Variants in PLA2G4A observed in about 807,000 individuals in gnomAD.
PLA2G4A encodes the protein phospholipase A2 group IVA.
PLA2G4A carries 40 observed loss-of-function variants against 81.9 expected under a neutral mutation model. The observed-to-expected ratio is 0.49, with a 90% CI of 0.38 to 0.64. The LOEUF is 0.64. PLA2G4A is among the 30% of genes least tolerant of loss of function. The pLI is 0.00. For synonymous variants in PLA2G4A, 302 were observed against 296.9 expected, an observed-to-expected ratio of 1.02 and a Z score of -0.18; for missense variants, 715 against 905.1, an observed-to-expected ratio of 0.79 and a Z score of 2.69.
At chr1:186,858,658 T>C (rs1652681378) in intron 2 of PLA2G4A, among the ~76,000 whole-genome samples, 1 of 152,050 alleles carries the variant, frequency 6.6e-6, no homozygotes, top group African/African-American at 2.4e-5. Flanking sequence ...TTCTTGAAAA[T>C]TTTGTTAACT....
intron 15 of PLA2G4A, among the ~76,000 whole-genome samples, chr1:186,976,975 C>A (rs1657556654): frequency 6.6e-6 from 1 of 152,176 alleles, no homozygotes; most frequent in Non-Finnish European, 1.5e-5. Flanking sequence ...TGGAAACCAT[C>A]ATACAATTTG....
intron 7 of PLA2G4A, among the ~76,000 whole-genome samples, chr1:186,919,775 C>T (rs1468632800): frequency 1.3e-5 from 2 of 152,176 alleles, no homozygotes; most frequent in African/African-American, 4.8e-5. Flanking sequence ...GCAGCCCTAA[C>T]AATGTGTAAG....
intron 3 of PLA2G4A, 69 bp downstream of exon 3, chr1:186,870,585 T>A: frequency 8.0e-7 from 1 of 1,243,508 alleles, no homozygotes; most frequent in Non-Finnish European, 1.2e-6. Flanking sequence ...CTTGAGTTCC[T>A]TGACAAATCG....
intron 2 of PLA2G4A, among the ~76,000 whole-genome samples, chr1:186,857,067 C>T (rs1415954601): frequency 0.51 from 12,905 of 25,128 alleles, 4,770 homozygotes; most frequent in Middle Eastern, 0.72. Flanking sequence ...CCATGCAGCC[C>T]CCACATATAT....
intron 1 of PLA2G4A, among the ~76,000 whole-genome samples, chr1:186,841,515 G>C (rs1413998858): frequency 6.6e-6 from 1 of 152,156 alleles, no homozygotes; most frequent in Non-Finnish European, 1.5e-5. Flanking sequence ...TTCAGTTTCA[G>C]CTGTTCCCCT....
In PLA2G4A at chr1:186,830,489, T is replaced by A. The variant is rs1032756138; in HGVS notation, c.-70+1454T>A. Among the ~76,000 whole-genome samples, 4 of 150,628 alleles carry A rather than the reference T, an allele frequency of 2.7e-5. No individual in the cohort carries two copies. In the East Asian group the frequency reaches 7.9e-4, roughly 30 times the overall value. On this transcript the variant is annotated intron_variant, in intron 1 of 17. Coordinates refer to ENST00000367466, the MANE Select transcript of PLA2G4A (RefSeq NM_024420.3). Reference sequence around the variant, plus strand: ...CGGACGTGGTGGCAGGTGCCTGTAATCCCAGCTACTTGGGAGGCTGAGGCA... The same window carrying A: ...CGGACGTGGTGGCAGGTGCCTGTAAACCCAGCTACTTGGGAGGCTGAGGCA...
chr1:186,833,911 A>G (rs1424304619), intron 1 of PLA2G4A, among the ~76,000 whole-genome samples: 7 of 152,162 alleles, frequency 4.6e-5, no homozygotes, highest in Non-Finnish European at 7.3e-5. Flanking sequence ...ATCACTCTCC[A>G]TTAAAGATAA....
chr1:186,890,851 CA>C lies in PLA2G4A; in HGVS notation c.116-2145del, dbSNP rs11390247. On this transcript the variant is annotated intron_variant, in intron 3 of 17. Coordinates refer to ENST00000367466, the MANE Select transcript of PLA2G4A (RefSeq NM_024420.3). ...CTGGCAACAGAGCAAGACTCTGTCT[CA>C]AAAAAAAAAAAAAAGGAAAAGAAAA... Among the ~76,000 whole-genome samples the C allele has an allele frequency of 2.4e-3, 317 of 130,620 alleles. 3 individuals carry two copies. The highest frequency in any genetic ancestry group is 5.2e-3 in the African/African-American group (186 of 35,984). The allele number at this position is 130,620 out of a possible 152,430, so 85.7% of individuals were successfully genotyped here. A position where few individuals can be genotyped will look rare whatever the true frequency, so the allele number is the denominator to read the frequency against.
At chr1:186,847,065 G>T (rs1016677707) in intron 1 of PLA2G4A, among the ~76,000 whole-genome samples, 4 of 151,688 alleles carry the variant, frequency 2.6e-5, no homozygotes, top group African/African-American at 9.7e-5. Flanking sequence ...GAATTTGAGA[G>T]AAGAAAAGGA....
Position 186,911,305 on chromosome 1 carries a change from A to G in PLA2G4A, c.474A>G (p.Arg158=). The change falls in exon 7 of 18, where the codon AGA becomes AGG. Residue 158 remains arginine (R), a synonymous_variant. Coordinates refer to ENST00000367466, the MANE Select transcript of PLA2G4A (RefSeq NM_024420.3). ...MALCDQEKTF[R]QQRKEHIRES... ...TGTGTGATCAGGAGAAGACTTTCAGACAACAGAGAAAAGAACACATAAGGG... is the reference window on the plus strand; with the variant it reads ...TGTGTGATCAGGAGAAGACTTTCAGGCAACAGAGAAAAGAACACATAAGGG... The G allele has an allele frequency of 6.2e-7, 1 of 1,610,206 alleles. No individual in the cohort carries two copies. Among genetic ancestry groups the G allele is most frequent in the Non-Finnish European group, 8.5e-7 (1 of 1,176,438 alleles).
chr1:186,907,695 A>C (rs1448447695), intron 6 of PLA2G4A, among the ~76,000 whole-genome samples: 1 of 152,222 alleles, frequency 6.6e-6, no homozygotes, highest in African/African-American at 2.4e-5. Context: ...ACGAAAACAA[A>C]TTGAACATTT....
intron 17 of PLA2G4A, among the ~76,000 whole-genome samples, chr1:186,981,586 T>C (rs796230657): frequency 9.8e-5 from 15 of 152,306 alleles, no homozygotes; most frequent in African/African-American, 3.6e-4. Flanking sequence ...ATAAAATTTA[T>C]CATTTTAACC....
At chr1:186,932,297 T>TC (rs901022655) in intron 7 of PLA2G4A, among the ~76,000 whole-genome samples, 4 of 150,314 alleles carry the variant, frequency 2.7e-5, no homozygotes, top group African/African-American at 9.7e-5. Flanking sequence ...TCTTTTTCTT[T>TC]TTTTTTTTTT....
At chr1:186,957,205 C>T (rs895881136) in intron 14 of PLA2G4A, among the ~76,000 whole-genome samples, 11 of 152,106 alleles carry the variant, frequency 7.2e-5, no homozygotes, top group Admixed American at 6.5e-4. Flanking sequence ...CTTCTCTGTA[C>T]TGGTCACAGT....
chr1:186,857,023 T>C (rs996431846), intron 2 of PLA2G4A, among the ~76,000 whole-genome samples: 1 of 112,282 alleles, frequency 8.9e-6, no homozygotes, highest in African/African-American at 3.5e-5. Flanking sequence ...CCAGGCCTTA[T>C]TACTGACTGC....
chr1:186,979,182 GA>G, intron 16 of PLA2G4A, 132 bp from the exon 17 acceptor site: 1 of 710,246 alleles, frequency 1.4e-6, no homozygotes, highest in Non-Finnish European at 2.6e-6. Flanking sequence ...ATAAAAGTCA[GA>G]GATGCTACAG....
At chr1:186,849,819 T>C (rs546146842) in intron 1 of PLA2G4A, among the ~76,000 whole-genome samples, 1 of 152,254 alleles carries the variant, frequency 6.6e-6, no homozygotes, top group Non-Finnish European at 1.5e-5. Flanking sequence ...GGGAAGGGAA[T>C]GTATCTAGCT....
At chr1:186,982,485 AC>A (rs1048382205) in intron 17 of PLA2G4A, among the ~76,000 whole-genome samples, 8 of 152,176 alleles carry the variant, frequency 5.3e-5, no homozygotes, top group African/African-American at 1.9e-4. Context: ...CTTATCTTGT[AC>A]CCCTGAAGGT....
intron 10 of PLA2G4A, among the ~76,000 whole-genome samples, chr1:186,944,364 T>C (rs1275570566): frequency 6.6e-6 from 1 of 152,152 alleles, no homozygotes; most frequent in Non-Finnish European, 1.5e-5. Flanking sequence ...AGTTACTATG[T>C]GCCCAGGCCA....
Sources: allele counts gnomAD v4.1 joint callset (sites outside exome capture counted in the v4.1 genomes callset), GRCh38; gene constraint gnomAD v4.1.1; transcripts MANE v1.5; gene names NCBI Gene and HGNC (gene_info 2026-07-23, HGNC 2026-07-21).